The following BICD1 variants were observed in gnomAD, a reference collection of about 807,000 sequenced individuals.
BICD1 encodes the protein protein bicaudal D homolog 1.
In BICD1, 35 loss-of-function variants were observed where a neutral mutation model predicts 92.5. The observed-to-expected ratio is 0.38, with a 90% confidence interval of 0.29 to 0.50. The LOEUF is 0.50. Among genes scored for constraint, BICD1 ranks in the 20% least tolerant of loss-of-function variants. BICD1 has a pLI of 0.93. For synonymous variants in BICD1, 429 were observed against 465.1 expected, an observed-to-expected ratio of 0.92 and a Z score of 1.00; for missense variants, 950 against 1,189.8, an observed-to-expected ratio of 0.80 and a Z score of 2.97.
intron 1 of BICD1, among the ~76,000 whole-genome samples, chr12:32,189,302 T>G (rs1378611902): frequency 6.6e-6 from 1 of 152,240 alleles, no homozygotes; most frequent in Non-Finnish European, 1.5e-5. Context: ...GTTTCAAAGT[T>G]ATCAGACAAT....
intron 1 of BICD1, among the ~76,000 whole-genome samples, chr12:32,137,539 C>A (rs1942775477): frequency 6.6e-6 from 1 of 152,170 alleles, no homozygotes; most frequent in Non-Finnish European, 1.5e-5. Flanking sequence ...TGTTGTAGGG[C>A]ATATGTTCTG....
At position 32,338,774 on chromosome 12, in the gene BICD1, A is replaced by G; in HGVS notation, c.2571-12A>G. The G allele has an allele frequency of 6.4e-7, 1 of 1,562,484 alleles. No homozygotes were observed. Among genetic ancestry groups the G allele is most frequent in the East Asian group, 2.4e-5 (1 of 40,934 alleles). On this transcript the variant is annotated splice_polypyrimidine_tract_variant and intron_variant, in intron 7 of 9. Transcript: ENST00000652176. ...TGTTTCCTATATGTATTTTTCTTGG[A>G]TCTCCTGCAAGACAATTTTCACCTT...
intron 4 of BICD1, among the ~76,000 whole-genome samples, chr12:32,323,247 A>G (rs971871656): frequency 2.6e-5 from 4 of 152,200 alleles, no homozygotes; most frequent in African/African-American, 9.6e-5. Flanking sequence ...ATATTTCCTG[A>G]CTCTAAAATG....
intron 1 of BICD1, among the ~76,000 whole-genome samples, chr12:32,188,524 A>G (rs954181948): frequency 9.9e-5 from 15 of 152,222 alleles, no homozygotes; most frequent in African/African-American, 3.6e-4. Flanking sequence ...TAAGTTTACA[A>G]TTCAAAACCC....
At chr12:32,302,880 AT>A (rs371035402) in intron 3 of BICD1, among the ~76,000 whole-genome samples, 8,225 of 109,778 alleles carry the variant, frequency 0.075, 272 homozygotes, top group Admixed American at 0.14. Flanking sequence ...TCCAATGACC[AT>A]TTTTTTTTTT....
chr12:32,338,507 AT>A, intron 7 of BICD1: 1 of 282,404 alleles, frequency 3.5e-6, no homozygotes, highest in South Asian at 8.4e-5. Flanking sequence ...TAACATTTTT[AT>A]TTTAGGAGCT....
chr12:32,132,119 A>G (rs966883254), intron 1 of BICD1, among the ~76,000 whole-genome samples: 1 of 152,080 alleles, frequency 6.6e-6, no homozygotes, highest in African/African-American at 2.4e-5. Flanking sequence ...CAGTAAGTGT[A>G]AAGATCTTGA....
chr12:32,154,156 T>TAGAG (rs1363621693), intron 1 of BICD1, among the ~76,000 whole-genome samples: 1 of 152,084 alleles, frequency 6.6e-6, no homozygotes, highest in Non-Finnish European at 1.5e-5. Flanking sequence ...TTGATGGACT[T>TAGAG]CTCTAAGTTC....
At chr12:32,309,056 A>T (rs1456635505) in intron 4 of BICD1, among the ~76,000 whole-genome samples, 1 of 152,308 alleles carries the variant, frequency 6.6e-6, no homozygotes, top group East Asian at 1.9e-4. Flanking sequence ...TTTTATTCAA[A>T]CAAGTATATT....
intron 9 of BICD1, 124 bp from the exon 10 acceptor site, chr12:32,377,416 T>G (rs1470141368): frequency 9.1e-6 from 7 of 766,030 alleles, no homozygotes; most frequent in African/African-American, 1.7e-5. Flanking sequence ...ATGGAAACCA[T>G]TTACTGTGCA....
intron 9 of BICD1, among the ~76,000 whole-genome samples, chr12:32,369,143 G>A (rs1438231500): frequency 6.6e-6 from 1 of 152,258 alleles, no homozygotes; most frequent in Non-Finnish European, 1.5e-5. Context: ...GAACTGGAGA[G>A]TTTGCTGACA....
At chr12:32,225,898 A>T (rs1945674939) in intron 2 of BICD1, among the ~76,000 whole-genome samples, 1 of 152,066 alleles carries the variant, frequency 6.6e-6, no homozygotes, top group Non-Finnish European at 1.5e-5. Context: ...CTGAGATTTC[A>T]GGCGTGAGCC....
At chr12:32,184,846 A>G (rs1592436556) in intron 1 of BICD1, among the ~76,000 whole-genome samples, 1 of 152,248 alleles carries the variant, frequency 6.6e-6, no homozygotes, top group African/African-American at 2.4e-5. Context: ...CTATAAGCAC[A>G]TGACAAAATT....
At chr12:32,233,082 G>T (rs1210796347) in intron 2 of BICD1, among the ~76,000 whole-genome samples, 1 of 152,054 alleles carries the variant, frequency 6.6e-6, no homozygotes, top group Non-Finnish European at 1.5e-5. Flanking sequence ...ATCTTGCTGG[G>T]AGGCCAAGGC....
At chr12:32,157,360 A>G (rs544202549) in intron 1 of BICD1, among the ~76,000 whole-genome samples, 3 of 152,326 alleles carry the variant, frequency 2.0e-5, no homozygotes, top group African/African-American at 7.2e-5. Context: ...ACAAATGCCA[A>G]GGAGTTTACC....
At chr12:32,371,264 G>A (rs1334732743) in intron 9 of BICD1, among the ~76,000 whole-genome samples, 2 of 152,068 alleles carry the variant, frequency 1.3e-5, no homozygotes, top group Non-Finnish European at 2.9e-5. Flanking sequence ...GTTCCCCATC[G>A]TGGTCTACGT....
At chr12:32,259,980 A>G (rs1448427629) in intron 2 of BICD1, among the ~76,000 whole-genome samples, 1 of 149,014 alleles carries the variant, frequency 6.7e-6, no homozygotes. Context: ...GCTGGAATGC[A>G]GTGGCTTGAT....
intron 1 of BICD1, among the ~76,000 whole-genome samples, chr12:32,116,466 C>T (rs10771914): frequency 1.1e-5 from 1 of 92,858 alleles, no homozygotes; most frequent in Non-Finnish European, 2.2e-5. Context: ...CTGTCTGTCT[C>T]TCTCTCTCTC....
At position 32,327,594 on chromosome 12, in the gene BICD1, G is replaced by C. The variant is rs201857634; in HGVS notation, c.1139G>C (p.Gly380Ala). Reference protein sequence around the residue: ...RLTEHVNAMRGLQSSKELKAE... With the variant: ...RLTEHVNAMRALQSSKELKAE... ...ACAGAGCACGTCAATGCCATGAGGG[G>C]CCTGCAAAGCAGCAAGGAGCTCAAG... Residue 380 changes from glycine (G) to alanine (A), a missense_variant, in exon 5 of 10, where the codon GGC becomes GCC. Coordinates refer to ENST00000652176, the MANE Select transcript of BICD1 (RefSeq NM_001714.4). The C allele has an allele frequency of 4.2e-5, 68 of 1,613,986 alleles. No individual in the cohort carries two copies. The highest frequency in any genetic ancestry group is 5.8e-5 in the Non-Finnish European group (68 of 1,180,024).
Sources: allele counts gnomAD v4.1 joint callset (sites outside exome capture counted in the v4.1 genomes callset), GRCh38; gene constraint gnomAD v4.1.1; transcripts MANE v1.5; gene names NCBI Gene and HGNC (gene_info 2026-07-23, HGNC 2026-07-21).